TRAPPC9: variants seen among roughly 807,000 people sequenced by gnomAD.
TRAPPC9 encodes trafficking protein particle complex subunit 9.
A neutral mutation model predicts 124.0 loss-of-function variants in TRAPPC9; 83 were observed. That is an observed-to-expected ratio of 0.67 (90% CI 0.56 to 0.80). TRAPPC9 has a LOEUF of 0.80. TRAPPC9 is among the 30% of genes least tolerant of loss of function. TRAPPC9 has a pLI of 0.00. For missense variants in TRAPPC9, 1,302 were observed against 1,508.3 expected, an observed-to-expected ratio of 0.86 and a Z score of 2.27; for synonymous variants, 638 against 617.5, an observed-to-expected ratio of 1.03 and a Z score of -0.49.
chr8:140,136,637 A>C (rs1490647675), intron 17 of TRAPPC9, among the ~76,000 whole-genome samples: 1 of 152,226 alleles, frequency 6.6e-6, no homozygotes, highest in Non-Finnish European at 1.5e-5. Flanking sequence ...CAGGAGTTCA[A>C]GACCAGCCTG....
At chr8:139,859,634 C>T (rs1457519273) in intron 21 of TRAPPC9, among the ~76,000 whole-genome samples, 2 of 152,222 alleles carry the variant, frequency 1.3e-5, no homozygotes, top group East Asian at 3.9e-4. Flanking sequence ...GATGTCAGAT[C>T]TGCCCCATGC....
At chr8:140,234,196 C>T (rs186879192) in intron 16 of TRAPPC9, among the ~76,000 whole-genome samples, 192 of 152,266 alleles carry the variant, frequency 1.3e-3, no homozygotes, top group African/African-American at 4.2e-3. Context: ...GAAATACACA[C>T]GCGAGGCATC....
At chr8:140,415,895 C>T (rs751994377) in intron 5 of TRAPPC9, among the ~76,000 whole-genome samples, 5 of 152,000 alleles carry the variant, frequency 3.3e-5, no homozygotes, top group African/African-American at 1.2e-4. Context: ...GCACAGGAGA[C>T]GACTATAGTG....
rs537472068 is a variant in TRAPPC9 at position 139,825,154 on chromosome 8, G to A, written c.3055+60725C>T. On this transcript the variant is annotated intron_variant, in intron 21 of 22. Coordinates refer to ENST00000438773, the MANE Select transcript of TRAPPC9 (RefSeq NM_001160372.4). The surrounding 1 kb of genome is among the most constrained non-coding windows in gnomAD (Gnocchi z 4.6). ...CTGCGGGACTACAGGATTACAGAGG[G>A]GTCTGAGAAGGTCTTACTGAGGCAT... 6.6e-5 allele frequency among the ~76,000 whole-genome samples: 10 copies of A among 152,254 alleles called. No individual in the cohort carries two copies. The highest frequency in any genetic ancestry group is 1.2e-4 in the Non-Finnish European group (8 of 68,010).
At chr8:139,925,088 A>G (rs1417348289) in intron 19 of TRAPPC9, among the ~76,000 whole-genome samples, 3 of 152,208 alleles carry the variant, frequency 2.0e-5, no homozygotes, top group Non-Finnish European at 4.4e-5. Flanking sequence ...GCACACAAAA[A>G]CAGCTCCCTG....
chr8:139,786,511 A>G (rs117509009), intron 21 of TRAPPC9, among the ~76,000 whole-genome samples: 3,500 of 152,250 alleles, frequency 0.023, 47 homozygotes, highest in Middle Eastern at 0.034. Context: ...GCTTCTTAAA[A>G]AAAAAAAAAT....
At chr8:139,944,929 C>T (rs941084332) in intron 19 of TRAPPC9, among the ~76,000 whole-genome samples, 3 of 152,100 alleles carry the variant, frequency 2.0e-5, no homozygotes, top group Non-Finnish European at 2.9e-5. Context: ...TTGAGATCAG[C>T]GTGGCCAACA....
intron 21 of TRAPPC9, among the ~76,000 whole-genome samples, chr8:139,804,084 GCACCACCACCACCACT>G (rs1347527243): frequency 7.7e-6 from 1 of 130,484 alleles, no homozygotes; most frequent in African/African-American, 2.9e-5. Context: ...CCACCACGAC[GCACCACCACCACCACT>G]CACCACCACC....
intron 17 of TRAPPC9, 72 bp downstream of exon 17, chr8:140,221,387 G>A (rs2063333892): frequency 3.1e-6 from 5 of 1,600,522 alleles, no homozygotes; most frequent in Non-Finnish European, 4.3e-6. Flanking sequence ...AGGACTCAGA[G>A]CTGTGCTTCA....
In TRAPPC9 at chr8:140,394,569, C is replaced by T. The variant is rs191388727; in HGVS notation, c.1134+3051G>A. ...GTGAACCTGAGCCCATCTGACAGCG[C>T]GACTCCACTGCGACTCCCAGCTTAG... On this transcript the variant is annotated intron_variant, in intron 7 of 22. Transcript: ENST00000438773. Among the ~76,000 whole-genome samples, 58 of 152,304 alleles carry T rather than the reference C, an allele frequency of 3.8e-4. 1 individual carries two copies. The highest frequency in any genetic ancestry group is 2.1e-3 in the Admixed American group (32 of 15,300).
intron 18 of TRAPPC9, among the ~76,000 whole-genome samples, chr8:140,017,242 T>C (rs1005512503): frequency 1.3e-5 from 2 of 152,230 alleles, no homozygotes; most frequent in African/African-American, 4.8e-5. Context: ...AAATTTGTCC[T>C]ATCAAGTCTT....
At chr8:140,346,269 T>G (rs2067346667) in intron 9 of TRAPPC9, among the ~76,000 whole-genome samples, 2 of 152,142 alleles carry the variant, frequency 1.3e-5, no homozygotes, top group African/African-American at 4.8e-5. Flanking sequence ...CCCCAGCCAG[T>G]TTCTCCAGGT....
chr8:140,099,832 C>A (rs1253364589), intron 17 of TRAPPC9: 2 of 149,772 alleles, frequency 1.3e-5, no homozygotes, highest in Non-Finnish European at 3.0e-5. Context: ...TGGTCCTCCG[C>A]AGCCTTCTCC....
chr8:140,155,240 A>G (rs1226371769), intron 17 of TRAPPC9, among the ~76,000 whole-genome samples: 2 of 152,190 alleles, frequency 1.3e-5, no homozygotes, highest in Non-Finnish European at 2.9e-5. Flanking sequence ...GAGGCTTAGG[A>G]GAGAAGGACT....
At chr8:139,931,978 T>C (rs149499103) in intron 19 of TRAPPC9, 157 of 207,944 alleles carry the variant, frequency 7.6e-4, no homozygotes, top group African/African-American at 3.5e-3. Flanking sequence ...AATTAGAAAA[T>C]GCTACTCTCC....
chr8:140,349,798 T>C (rs2067492864), intron 9 of TRAPPC9, among the ~76,000 whole-genome samples: 2 of 152,030 alleles, frequency 1.3e-5, no homozygotes, highest in South Asian at 4.1e-4. Flanking sequence ...GGGGCGGGAA[T>C]TGGGGAAGGT....
intron 20 of TRAPPC9, among the ~76,000 whole-genome samples, chr8:139,901,002 A>AAATAAAT (rs57260430): frequency 0.11 from 14,139 of 124,388 alleles, 780 homozygotes; most frequent in East Asian, 0.23. Context: ...ATAAATAAAT[A>AAATAAAT]AAATAAATAA....
chr8:140,418,447 G>A (rs1215097992), intron 5 of TRAPPC9, among the ~76,000 whole-genome samples: 3 of 152,208 alleles, frequency 2.0e-5, no homozygotes, highest in Non-Finnish European at 2.9e-5. Flanking sequence ...AAGGCCGGGC[G>A]CAGTGGCTCA....
At chr8:140,200,969 A>C (rs2062774749) in intron 17 of TRAPPC9, among the ~76,000 whole-genome samples, 1 of 152,202 alleles carries the variant, frequency 6.6e-6, no homozygotes, top group Non-Finnish European at 1.5e-5. Context: ...AACCATTCTG[A>C]AATAAAAAGG....
Sources: allele counts gnomAD v4.1 joint callset (sites outside exome capture counted in the v4.1 genomes callset), GRCh38; gene constraint gnomAD v4.1.1; non-coding constraint Gnocchi (gnomAD v3.1); transcripts MANE v1.5; gene names NCBI Gene and HGNC (gene_info 2026-07-23, HGNC 2026-07-21).